The following NLRP2 variants were observed in gnomAD, a reference collection of about 807,000 sequenced individuals.
The protein encoded by NLRP2 is NLR family pyrin domain containing 2.
NLRP2 carries 107 observed loss-of-function variants against 97.2 expected under a neutral mutation model. The ratio of observed to expected loss-of-function variants is 1.10; its 90% CI spans 0.94 to 1.29. NLRP2 has a LOEUF of 1.29. NLRP2 is among the 50% of genes most tolerant of loss of function. The pLI is 0.00. For missense variants in NLRP2, 1,495 were observed against 1,330.3 expected (o/e 1.12, Z -1.93); for synonymous variants, 663 against 551.5 (o/e 1.20, Z -2.83).
chr19:54,997,195 G>T, intron 11 of NLRP2, 122 bp from the exon 12 acceptor site: 2 of 1,009,740 alleles, frequency 2.0e-6, no homozygotes, highest in South Asian at 2.6e-5. Context: ...GTGAACCACC[G>T]TGCCCGGCCT....
chr19:54,975,046 C>T (rs1422236354), intron 3 of NLRP2, among the ~76,000 whole-genome samples: 1 of 150,360 alleles, frequency 6.7e-6, no homozygotes, highest in Non-Finnish European at 1.5e-5. Flanking sequence ...AGTGATCTGC[C>T]CACCTCAGCG....
intron 6 of NLRP2, among the ~76,000 whole-genome samples, chr19:54,984,479 C>T (rs2071909237): frequency 1.6e-5 from 1 of 63,554 alleles, no homozygotes; most frequent in Non-Finnish European, 2.8e-5. Flanking sequence ...TATGTATATT[C>T]CCAATCTTTT....
At chr19:54,998,139 C>T (rs1173848313) in intron 12 of NLRP2, among the ~76,000 whole-genome samples, 1 of 151,212 alleles carries the variant, frequency 6.6e-6, no homozygotes, top group Non-Finnish European at 1.5e-5. Flanking sequence ...ATGCTTCAGC[C>T]TCCCAAGTAG....
Position 54,970,288 on chromosome 19 carries a change from A to T in NLRP2, c.273A>T (p.Glu91Asp), listed in dbSNP as rs1273790906. Reference sequence around the variant, plus strand: ...ATCTGTCTGAGAGAGCAAAGGATGAAGTCAGAGGTGAGTGGAAATCGGTCC... The same window carrying T: ...ATCTGTCTGAGAGAGCAAAGGATGATGTCAGAGGTGAGTGGAAATCGGTCC... ...RMDLSERAKD[E>D]VREAALKSFN... The change falls in exon 2 of 13, where the codon GAA (glutamate) becomes GAT (aspartate). Residue 91 changes from glutamate to aspartate, a missense_variant. Coordinates refer to ENST00000448584, the MANE Select transcript of NLRP2 (RefSeq NM_017852.5). The T allele has an allele frequency of 1.9e-6, 3 of 1,614,046 alleles. No individual in the cohort carries two copies. The highest frequency in any genetic ancestry group is 1.7e-5 in the Admixed American group (1 of 59,982).
At chr19:54,981,511 C>CCCG in intron 4 of NLRP2, 106 bp from the exon 5 acceptor site, 1 of 265,228 alleles carries the variant, frequency 3.8e-6, no homozygotes, top group Non-Finnish European at 8.3e-6. Context: ...GATCCCGTGC[C>CCCG]CCCCCTCCCC....
rs1240700236 is a variant in NLRP2 at position 55,000,294 on chromosome 19, T to A, written c.3051-466T>A. Among the ~76,000 whole-genome samples the A allele has an allele frequency of 4.8e-5, 5 of 104,470 alleles. No homozygotes were observed. The East Asian group carries it at 7.7e-4, about 16-fold the overall frequency. 68.5% of individuals were successfully genotyped at this position (104,470 alleles called of 152,430 possible). A position where few individuals can be genotyped will look rare whatever the true frequency, so the allele number is the denominator to read the frequency against. On this transcript the variant is annotated intron_variant, in intron 12 of 12. Coordinates refer to ENST00000448584, the MANE Select transcript of NLRP2 (RefSeq NM_017852.5). Reference sequence around the variant, plus strand: ...TCTTTTTTTTTTTTTTTTTTTTTTTTTTTTTTTTTTTTTTTGAGATCGCCC... The same window carrying A: ...TCTTTTTTTTTTTTTTTTTTTTTTTATTTTTTTTTTTTTTTGAGATCGCCC...
chr19:54,965,354 G>T (rs2070321795), upstream of NLRP2: 1 of 103,498 alleles, frequency 9.7e-6, no homozygotes, highest in Admixed American at 9.0e-5. Context: ...ATCTCCGCCG[G>T]CGAGTAGGGC....
chr19:54,974,556 C>T lies in NLRP2; in HGVS notation c.325+12C>T, dbSNP rs1338704610. The T allele has an allele frequency of 6.5e-7, 1 of 1,545,968 alleles. No individual in the cohort carries two copies. Among genetic ancestry groups the T allele is most frequent in the East Asian group, 2.2e-5 (1 of 44,452 alleles). On this transcript the variant is annotated intron_variant, in intron 3 of 12. Coordinates refer to ENST00000448584, the MANE Select transcript of NLRP2 (RefSeq NM_017852.5). ...GCCTCTATCATTAGGTAAGTTACCT[C>T]ATTTATAACTTTTATTCTTCATGTG...
chr19:54,976,965 C>T (rs897218986), intron 3 of NLRP2: 1 of 362,964 alleles, frequency 2.8e-6, no homozygotes, highest in South Asian at 2.1e-5. Flanking sequence ...ACAGGTAACA[C>T]ACCACCATGC....
intron 3 of NLRP2, among the ~76,000 whole-genome samples, chr19:54,975,106 G>GTTTTGTTTTTTTTTTTTTTTTT (rs2071120773): frequency 3.4e-5 from 2 of 58,706 alleles, no homozygotes; most frequent in Non-Finnish European, 6.9e-5. Context: ...ACCCGGTTTT[G>GTTTTGTTTTTTTTTTTTTTTTT]TTTTTTTTTT....
intron 12 of NLRP2, 63 bp from the exon 13 acceptor site, chr19:55,000,697 G>C (rs1440857560): frequency 6.4e-7 from 1 of 1,568,860 alleles, no homozygotes; most frequent in Admixed American, 1.7e-5. Context: ...TCAGGTACTT[G>C]GGAATTTGAA....
intron 12 of NLRP2, among the ~76,000 whole-genome samples, chr19:54,998,779 G>A (rs569622668): frequency 1.3e-5 from 2 of 150,738 alleles, no homozygotes; most frequent in African/African-American, 2.4e-5. Context: ...AGGACCCTGC[G>A]GCCTTCCGCA....
In NLRP2 at chr19:54,983,568, C is replaced by G. The variant is rs2071804007; in HGVS notation, c.1870C>G (p.Gln624Glu). 1 of 1,614,036 alleles carries G rather than the reference C, an allele frequency of 6.2e-7. No homozygotes were observed. The highest frequency in any genetic ancestry group is 1.1e-5 in the South Asian group (1 of 91,080). Residue 624 changes from glutamine to glutamate, a missense_variant, in exon 6 of 13, where the codon CAG becomes GAG. Coordinates refer to ENST00000448584, the MANE Select transcript of NLRP2 (RefSeq NM_017852.5). The stretch of plus-strand genomic sequence containing the variant: ...GGAGCTGGTGAAGGAGGTGATGGCT[C>G]AGTTCAAAGAAATATCCCTGCACTT... ...EEELVKEVMAQFKEISLHLNA... is the reference protein window; with the variant it reads ...EEELVKEVMAEFKEISLHLNA...
At chr19:54,983,913 C>T (rs1048287696) in intron 6 of NLRP2, among the ~76,000 whole-genome samples, 185 bp downstream of exon 6, 4 of 151,994 alleles carry the variant, frequency 2.6e-5, no homozygotes, top group African/African-American at 7.2e-5. Context: ...CGCAGTGGCG[C>T]GATCTTGGCT....
rs760923704 is a variant in NLRP2, at chr19:54,970,263, ATCTG to A, written c.253_256del (p.Ser85ArgfsTer12). On this transcript the variant is annotated frameshift_variant, in exon 2 of 13. Coordinates refer to ENST00000448584, the MANE Select transcript of NLRP2 (RefSeq NM_017852.5). LOFTEE classifies it high-confidence loss of function. ...GTCTTTGAAAAGATGCACCGAATGG[ATCTG>A]TCTGAGAGAGCAAAGGATGAAGTCA... is the stretch of plus-strand genomic sequence containing the variant. 5 of 1,614,048 alleles carry A rather than the reference ATCTG, an allele frequency of 3.1e-6. 1 individual carries two copies. In the South Asian group the frequency reaches 3.3e-5, roughly 11 times the overall value.
intron 11 of NLRP2, among the ~76,000 whole-genome samples, chr19:54,996,675 C>T (rs745858410): frequency 6.6e-6 from 1 of 152,022 alleles, no homozygotes; most frequent in South Asian, 2.1e-4. Context: ...CACTCATGCC[C>T]GCTGCCTGGA....
intron 2 of NLRP2, chr19:54,974,169 A>C (rs1346114040): frequency 2.3e-5 from 14 of 601,248 alleles, no homozygotes; most frequent in East Asian, 2.1e-4. Context: ...GCCTGGCCAA[A>C]ATGGTGAAAC....
chr19:54,980,659 CTGAT>C (rs1406646891), intron 4 of NLRP2, among the ~76,000 whole-genome samples: 2 of 152,182 alleles, frequency 1.3e-5, no homozygotes, highest in Admixed American at 6.6e-5. Flanking sequence ...AGGGCTTGGG[CTGAT>C]TGATAATGTC....
At chr19:54,995,850 T>C (rs907509869) in intron 11 of NLRP2, among the ~76,000 whole-genome samples, 9 of 151,722 alleles carry the variant, frequency 5.9e-5, no homozygotes, top group Non-Finnish European at 1.2e-4. Flanking sequence ...AAAAACAGCC[T>C]GGCCAACACA....
Sources: allele counts gnomAD v4.1 joint callset (sites outside exome capture counted in the v4.1 genomes callset), GRCh38; gene constraint gnomAD v4.1.1; transcripts MANE v1.5; gene names NCBI Gene and HGNC (gene_info 2026-07-23, HGNC 2026-07-21).